DCUN1D1: variants seen among roughly 807,000 people sequenced by gnomAD.
The protein encoded by DCUN1D1 is DCN1-like protein 1.
Under a neutral mutation model 39.0 loss-of-function variants are expected in DCUN1D1, and 3 were observed. The observed-to-expected ratio is 0.08, with a 90% CI of 0.04 to 0.20. The LOEUF (loss-of-function observed/expected upper bound fraction) is 0.20. Among genes scored for constraint, DCUN1D1 ranks in the 10% least tolerant of loss-of-function variants. The pLI is 1.00. For missense variants in DCUN1D1, 158 were observed against 302.4 expected (o/e 0.52, Z 3.54); for synonymous variants, 82 against 96.3 (o/e 0.85, Z 0.87).
Position 182,947,410 on chromosome 3 carries a change from A to C in DCUN1D1, c.604-76T>G. The C allele has an allele frequency of 3.4e-6, 4 of 1,189,902 alleles. No homozygotes were observed. The South Asian group carries it at 5.5e-5, about 16-fold the overall frequency. 73.7% of individuals were successfully genotyped at this position (1,189,902 alleles called of 1,614,324 possible). A position where few individuals can be genotyped will look rare whatever the true frequency, so the allele number is the denominator to read the frequency against. On this transcript the variant is annotated intron_variant, in intron 5 of 6. Coordinates refer to ENST00000292782, the MANE Select transcript of DCUN1D1 (RefSeq NM_020640.4). Reference sequence around the variant, plus strand: ...ACAAAAACAGTTTGGACAATTTGAAATACAAGAATGCAAAACAATTATGTA... The same window carrying C: ...ACAAAAACAGTTTGGACAATTTGAACTACAAGAATGCAAAACAATTATGTA...
chr3:182,949,095 T>C (rs913703565), intron 4 of DCUN1D1, among the ~76,000 whole-genome samples: 3 of 147,488 alleles, frequency 2.0e-5, no homozygotes, highest in Non-Finnish European at 3.0e-5. Context: ...GAGCAGTGAC[T>C]CTCGCCTGTA....
chr3:182,968,187 G>C (rs1052484641), intron 1 of DCUN1D1, among the ~76,000 whole-genome samples: 1 of 152,158 alleles, frequency 6.6e-6, no homozygotes, highest in African/African-American at 2.4e-5. Context: ...GGGACTACAG[G>C]AGTGAGCCAC....
At chr3:182,945,206 A>AG (rs1726330879) in intron 6 of DCUN1D1, 33 bp from the exon 7 acceptor site, 7 of 1,547,352 alleles carry the variant, frequency 4.5e-6, no homozygotes, top group African/African-American at 2.8e-5. Flanking sequence ...AAGAAAGAGA[A>AG]GGGGGAAAAA....
intron 4 of DCUN1D1, among the ~76,000 whole-genome samples, chr3:182,955,166 G>A (rs986051938): frequency 6.6e-6 from 1 of 151,778 alleles, no homozygotes; most frequent in Non-Finnish European, 1.5e-5. Context: ...TCAGCCTTCC[G>A]AGTAGCTAGG....
At position 182,939,223 on chromosome 3, in the gene DCUN1D1, G is replaced by A. The variant is rs1726028268; in HGVS notation, c.*5871C>T. The stretch of plus-strand genomic sequence containing the variant: ...AATAAAAAAGACAAGTATTGGCAAG[G>A]ATGTGCAGACACGGCAGTCCGCATG... On this transcript the variant is annotated 3_prime_UTR_variant, in exon 7 of 7. Transcript: ENST00000292782. The A allele has an allele frequency of 6.6e-6, 1 of 152,200 alleles. No individual in the cohort carries two copies. The highest frequency in any genetic ancestry group is 1.5e-5 in the Non-Finnish European group (1 of 68,046). 9.4% of individuals were successfully genotyped at this position (152,200 alleles called of 1,614,324 possible).
At chr3:182,949,468 C>T (rs1385776998) in intron 4 of DCUN1D1, among the ~76,000 whole-genome samples, 1 of 152,044 alleles carries the variant, frequency 6.6e-6, no homozygotes, top group East Asian at 1.9e-4. Context: ...GCCTGTAATC[C>T]CATCACTCTG....
intron 1 of DCUN1D1, among the ~76,000 whole-genome samples, chr3:182,966,698 T>C (rs2108380889): frequency 6.6e-6 from 1 of 152,316 alleles, no homozygotes; most frequent in Middle Eastern, 3.4e-3. Flanking sequence ...CTCACCACTG[T>C]TACTCTTCCT....
Position 182,980,535 on chromosome 3 carries a change from G to A in DCUN1D1, c.-46C>T. 1 of 1,229,832 alleles carries A rather than the reference G, an allele frequency of 8.1e-7. No individual in the cohort carries two copies. The highest frequency in any genetic ancestry group is 1.0e-6 in the Non-Finnish European group (1 of 967,984). 76.2% of individuals were successfully genotyped at this position (1,229,832 alleles called of 1,614,324 possible). On this transcript the variant is annotated 5_prime_UTR_variant, in exon 1 of 7. Coordinates refer to ENST00000292782, the MANE Select transcript of DCUN1D1 (RefSeq NM_020640.4). ...TCCCCTCCTCCTCCGGCTCCGCAGCGAATGGACGGCGGCGGCGGCGGCGGC... is the reference window on the plus strand; with the variant it reads ...TCCCCTCCTCCTCCGGCTCCGCAGCAAATGGACGGCGGCGGCGGCGGCGGC...
At chr3:182,951,385 T>C (rs1017417581) in intron 4 of DCUN1D1, among the ~76,000 whole-genome samples, 4 of 151,864 alleles carry the variant, frequency 2.6e-5, no homozygotes, top group African/African-American at 4.8e-5. Flanking sequence ...TATACCAAAA[T>C]AAGAATTTGA....
At chr3:182,964,400 AG>A (rs1231581185) in intron 2 of DCUN1D1, among the ~76,000 whole-genome samples, 5 of 152,238 alleles carry the variant, frequency 3.3e-5, no homozygotes, top group African/African-American at 1.2e-4. Context: ...CATTCTGAAC[AG>A]AAATTCTTTT....
chr3:182,977,806 G>A (rs140576136), intron 1 of DCUN1D1, among the ~76,000 whole-genome samples: 5,969 of 151,972 alleles, frequency 0.039, 205 homozygotes, highest in East Asian at 0.21. Context: ...TTGGGCGGCC[G>A]AGGCAGGTGG....
At chr3:182,946,369 A>C (rs1465663546) in intron 6 of DCUN1D1, among the ~76,000 whole-genome samples, 6 of 152,060 alleles carry the variant, frequency 3.9e-5, no homozygotes, top group Non-Finnish European at 5.9e-5. Context: ...CAGCCTGGCC[A>C]ACATGGTGAA....
At chr3:182,958,748 T>C (rs992452852) in intron 4 of DCUN1D1, among the ~76,000 whole-genome samples, 3 of 152,182 alleles carry the variant, frequency 2.0e-5, no homozygotes, top group African/African-American at 7.2e-5. Context: ...TCACATAATC[T>C]GTTTCTCAAT....
intron 1 of DCUN1D1, among the ~76,000 whole-genome samples, chr3:182,974,537 G>T (rs951758153): frequency 1.3e-5 from 2 of 149,478 alleles, no homozygotes; most frequent in African/African-American, 2.5e-5. Flanking sequence ...CCACGGTTAA[G>T]TTCTAACATA....
At chr3:182,950,778 G>A (rs1726678993) in intron 4 of DCUN1D1, 1 of 151,764 alleles carries the variant, frequency 6.6e-6, no homozygotes, top group Non-Finnish European at 1.5e-5. Context: ...GCCAAGGTGG[G>A]CGGATCACCT....
Position 182,964,026 on chromosome 3 carries a change from C to T in DCUN1D1, c.244G>A (p.Gly82Arg). The T allele has an allele frequency of 6.2e-7, 1 of 1,612,474 alleles. No homozygotes were observed. Among genetic ancestry groups the T allele is most frequent in the Non-Finnish European group, 8.5e-7 (1 of 1,178,984 alleles). Residue 82 changes from glycine (G) to arginine (R), a missense_variant, in exon 3 of 7, where the codon GGA becomes AGA. Around this residue, in one of 4 missense-constraint regions of DCUN1D1, gnomAD observed 107 missense variants for 174.7 expected, o/e 0.61. Coordinates refer to ENST00000292782, the MANE Select transcript of DCUN1D1 (RefSeq NM_020640.4). ...YKDPQDENKI[G>R]IDGIQQFCDD... ...CAGAACTGCTGTATGCCATCTATTC[C>T]AATTTTATTCTCATCTTGAGGGTCT...
intron 4 of DCUN1D1, among the ~76,000 whole-genome samples, chr3:182,959,334 A>C (rs1364944726): frequency 6.6e-6 from 1 of 152,058 alleles, no homozygotes; most frequent in Non-Finnish European, 1.5e-5. Context: ...ACCACATTAC[A>C]AAGGTTATAC....
At chr3:182,961,703 GTATTAGACA>G (rs1727405847) in intron 3 of DCUN1D1, among the ~76,000 whole-genome samples, 1 of 152,126 alleles carries the variant, frequency 6.6e-6, no homozygotes, top group Admixed American at 6.5e-5. Context: ...ATTTTAAACT[GTATTAGACA>G]CTACTGACAC....
rs1201694569 is a variant in DCUN1D1 at position 182,975,321 on chromosome 3, C to T, written c.3+5166G>A. Among the ~76,000 whole-genome samples, 7 of 151,896 alleles carry T rather than the reference C, an allele frequency of 4.6e-5. No homozygotes were observed. The South Asian group carries it at 8.3e-4, about 18-fold the overall frequency. ...CCTCCTGAGTAGCTGGGACTACAGG[C>T]GCCTGCTACCACATCCAGCTAATTT... On this transcript the variant is annotated intron_variant, in intron 1 of 6. Coordinates refer to ENST00000292782, the MANE Select transcript of DCUN1D1 (RefSeq NM_020640.4).
Sources: allele counts gnomAD v4.1 joint callset (sites outside exome capture counted in the v4.1 genomes callset), GRCh38; gene constraint gnomAD v4.1.1; regional missense constraint gnomAD v4.1.1; transcripts MANE v1.5; gene names NCBI Gene and HGNC (gene_info 2026-07-23, HGNC 2026-07-21).